Variants in GMPR observed in about 807,000 individuals in gnomAD.
GMPR encodes GMP reductase 1.
Under a neutral mutation model 38.4 loss-of-function variants are expected in GMPR, and 31 were observed. That is an observed-to-expected ratio of 0.81 (90% CI 0.61 to 1.09). The LOEUF (loss-of-function observed/expected upper bound fraction) is 1.09, where lower values mean the gene tolerates loss of function less well. Ranked by LOEUF, GMPR falls within the 50% of genes least tolerant of loss-of-function variation. GMPR has a pLI of 0.00. For synonymous variants in GMPR, 162 were observed against 173.3 expected (o/e 0.93, Z 0.51); for missense variants, 468 against 453.7 (o/e 1.03, Z -0.29).
chr6:16,247,674 C>G (rs1758786793), intron 2 of GMPR, among the ~76,000 whole-genome samples: 1 of 152,186 alleles, frequency 6.6e-6, no homozygotes, highest in Admixed American at 6.5e-5. Flanking sequence ...CATGCCCGGC[C>G]TGTATCTCTT....
chr6:16,289,375 A>C (rs1461599253), intron 7 of GMPR: 1 of 152,298 alleles, frequency 6.6e-6, no homozygotes, highest in Non-Finnish European at 1.5e-5. Context: ...TGATCCATGA[A>C]CAAAATGGGG....
At chr6:16,286,442 A>C (rs1759680783) in intron 7 of GMPR, among the ~76,000 whole-genome samples, 1 of 151,968 alleles carries the variant, frequency 6.6e-6, no homozygotes, top group Non-Finnish European at 1.5e-5. Flanking sequence ...TTTGGAAGTC[A>C]GAGCTGGCCG....
chr6:16,239,343 C>T (rs1484733780), intron 1 of GMPR, among the ~76,000 whole-genome samples: 1 of 152,118 alleles, frequency 6.6e-6, no homozygotes, highest in African/African-American at 2.4e-5. Context: ...CTGGACAGCC[C>T]GCGGTCCCAG....
chr6:16,246,855 G>T lies in GMPR; in HGVS notation c.101G>T (p.Arg34Leu). The change falls in exon 2 of 9, where the codon CGC becomes CTC. Residue 34 changes from arginine to leucine, a missense_variant. Physicochemically the swap from Arg to Leu is moderately radical, Grantham distance 102. Transcript: ENST00000259727. ...LKSRAEVDLE[R>L]TFTFRNSKQT... is the part of the protein sequence containing the mutation. ...TTTGGCCAACAGGTGGATCTTGAACGCACCTTCACGTTTCGAAATTCAAAG... is the reference window on the plus strand; with the variant it reads ...TTTGGCCAACAGGTGGATCTTGAACTCACCTTCACGTTTCGAAATTCAAAG... The T allele has an allele frequency of 6.2e-7, 1 of 1,612,206 alleles. No homozygotes were observed.
At chr6:16,274,042 T>A (rs1444302055) in intron 4 of GMPR, among the ~76,000 whole-genome samples, 2 of 152,156 alleles carry the variant, frequency 1.3e-5, no homozygotes, top group East Asian at 3.9e-4. Flanking sequence ...TCTCAATCTC[T>A]TGACCTCATG....
At chr6:16,267,635 G>A (rs1357183245) in intron 4 of GMPR, among the ~76,000 whole-genome samples, 6 of 152,224 alleles carry the variant, frequency 3.9e-5, no homozygotes, top group African/African-American at 2.4e-5. Flanking sequence ...AACACTCACC[G>A]CAGCCGAAGG....
intron 1 of GMPR, 34 bp downstream of exon 1, chr6:16,238,814 ATT>A: frequency 7.9e-7 from 1 of 1,268,952 alleles, no homozygotes; most frequent in South Asian, 1.5e-5. Flanking sequence ...GTGGGGTGGG[ATT>A]TTTTTTTCCG....
rs534763476 is a variant in GMPR at position 16,290,329 on chromosome 6, G to A, written c.698-133G>A. On this transcript the variant is annotated intron_variant, in intron 7 of 8. Transcript: ENST00000259727. ...TTTCCAGGAGGAGACAGGCGAGAGAGGTCCAGCCTTTCTCTTGACTATAGC... is the reference window on the plus strand; with the variant it reads ...TTTCCAGGAGGAGACAGGCGAGAGAAGTCCAGCCTTTCTCTTGACTATAGC... 327 of 779,882 alleles carry A rather than the reference G, an allele frequency of 4.2e-4. 2 individuals carry two copies. In the African/African-American group the frequency reaches 4.9e-3, roughly 12 times the overall value. 48.3% of individuals were successfully genotyped at this position (779,882 alleles called of 1,614,324 possible).
At chr6:16,244,098 C>CTTTTT (rs767681779) in intron 1 of GMPR, among the ~76,000 whole-genome samples, 3 of 136,726 alleles carry the variant, frequency 2.2e-5, no homozygotes, top group Non-Finnish European at 4.7e-5. Context: ...AATGAAATTG[C>CTTTTT]TTTTTTTTTT....
chr6:16,288,201 T>G (rs1294340869), intron 7 of GMPR, among the ~76,000 whole-genome samples: 2 of 152,222 alleles, frequency 1.3e-5, no homozygotes, highest in Non-Finnish European at 2.9e-5. Context: ...GGAGCCCCTT[T>G]CTGAGCTGGC....
intron 4 of GMPR, among the ~76,000 whole-genome samples, chr6:16,273,224 A>G (rs1016555230): frequency 2.0e-5 from 3 of 152,210 alleles, no homozygotes; most frequent in African/African-American, 7.2e-5. Context: ...TACGTTAAAA[A>G]AGAAAAATTC....
chr6:16,261,025 C>T (rs1254161716), intron 4 of GMPR, among the ~76,000 whole-genome samples: 1 of 151,844 alleles, frequency 6.6e-6, no homozygotes, highest in African/African-American at 2.4e-5. Context: ...GTAAGTTGAG[C>T]ATAGTTTGTG....
At chr6:16,291,316 C>T (rs1257528379) in intron 8 of GMPR, among the ~76,000 whole-genome samples, 1 of 151,994 alleles carries the variant, frequency 6.6e-6, no homozygotes, top group Non-Finnish European at 1.5e-5. Flanking sequence ...CTCTGCCTCC[C>T]GGGTTCAAGT....
rs1473110012 is a variant in GMPR at position 16,263,352 on chromosome 6, G to A, written c.465+8617G>A. ...GTCGAGTTTGTATTGGGGTCAAGCA[G>A]CACTGCAGAAGAAAATAAGATGCTT... On this transcript the variant is annotated intron_variant, in intron 4 of 8. Coordinates refer to ENST00000259727, the MANE Select transcript of GMPR (RefSeq NM_006877.4). 1.3e-5 allele frequency: 2 copies of A among 152,076 alleles called. 1 individual carries two copies. The highest frequency in any genetic ancestry group is 1.3e-4 in the Admixed American group (2 of 15,114). The allele number at this position is 152,076 out of a possible 1,614,324, so 9.4% of individuals were successfully genotyped here.
At position 16,254,674 on chromosome 6, in the gene GMPR, C is replaced by G. The variant is rs767744813; in HGVS notation, c.404C>G (p.Ser135Ter). 1.2e-6 allele frequency: 2 copies of G among 1,613,562 alleles called. No homozygotes were observed. Among genetic ancestry groups the G allele is most frequent in the Non-Finnish European group, 1.7e-6 (2 of 1,179,610 alleles). The change falls in exon 4 of 9, where the codon TCA (serine) becomes TGA (stop). Residue 135 changes from serine (S) to a stop codon, truncating the protein, a stop_gained. Transcript: ENST00000259727. LOFTEE classifies it high-confidence loss of function. ...TGCCTGGATGTGGCCAATGGGTATT[C>G]AGAACATTTTGTGGAATTCGTGAAA... ...FICLDVANGY[S>*]EHFVEFVKLV... is the part of the protein sequence containing the mutation.
chr6:16,265,915 T>A (rs1478339104), intron 4 of GMPR, among the ~76,000 whole-genome samples: 2 of 152,178 alleles, frequency 1.3e-5, no homozygotes, highest in South Asian at 2.1e-4. Context: ...GATGTGCAGT[T>A]TCACTCCTGA....
intron 8 of GMPR, among the ~76,000 whole-genome samples, chr6:16,292,555 A>G (rs1440411144): frequency 6.6e-6 from 1 of 152,120 alleles, no homozygotes. Context: ...AGGAGGTTGC[A>G]TGGTTGGGTA....
intron 2 of GMPR, 123 bp downstream of exon 2, chr6:16,247,084 C>G: frequency 1.2e-6 from 1 of 861,312 alleles, no homozygotes; most frequent in Non-Finnish European, 1.8e-6. Context: ...TTGGGTCATT[C>G]TCTGTCTTTC....
rs1414655880 is a variant in GMPR at position 16,285,821 on chromosome 6, T to TC, written c.684dup (p.Ala229ArgfsTer29). ...GGAGGCTGTACGTGTCCAGGGGATGTCGCCAAAGCCTTTGGTAAGGCCGGG... is the reference window on the plus strand; with the variant it reads ...GGAGGCTGTACGTGTCCAGGGGATGTCCGCCAAAGCCTTTGGTAAGGCCGGG... On this transcript the variant is annotated frameshift_variant, in exon 7 of 9. Transcript: ENST00000259727. LOFTEE classifies it high-confidence loss of function. 3 of 1,612,712 alleles carry TC rather than the reference T, an allele frequency of 1.9e-6. No individual in the cohort carries two copies. The highest frequency in any genetic ancestry group is 2.5e-6 in the Non-Finnish European group (3 of 1,179,448).
Sources: allele counts gnomAD v4.1 joint callset (sites outside exome capture counted in the v4.1 genomes callset), GRCh38; gene constraint gnomAD v4.1.1; transcripts MANE v1.5; gene names NCBI Gene and HGNC (gene_info 2026-07-23, HGNC 2026-07-21).